The following CPLANE1 variants were observed in gnomAD, a reference collection of about 807,000 sequenced individuals.
CPLANE1 encodes the protein ciliogenesis and planar polarity effector complex subunit 1.
Under a neutral mutation model 362.5 loss-of-function variants are expected in CPLANE1, and 263 were observed. That is an observed-to-expected ratio of 0.73 (90% CI 0.66 to 0.80). CPLANE1 has a LOEUF of 0.80. Among genes scored for constraint, CPLANE1 ranks in the 30% least tolerant of loss-of-function variants. The pLI, the probability that CPLANE1 is intolerant of heterozygous loss-of-function variation, is 0.00. For synonymous variants in CPLANE1, 1,212 were observed against 1,302.6 expected, an observed-to-expected ratio of 0.93 and a Z score of 1.50; for missense variants, 3,461 against 3,793.4, an observed-to-expected ratio of 0.91 and a Z score of 2.30.
At chr5:37,077,908 G>A in the CPLANE1 span, among the ~76,000 whole-genome samples, 4 of 151,740 alleles carry the variant, frequency 2.6e-5, no homozygotes, top group Admixed American at 1.3e-4. Context: ...AAACCGCCGT[G>A]CCCAGCAATT....
chr5:37,209,061 G>T lies in CPLANE1; in HGVS notation c.2921-2636C>A, dbSNP rs1172848375. 2.6e-5 allele frequency among the ~76,000 whole-genome samples: 4 copies of T among 152,216 alleles called. No homozygotes were observed. Among genetic ancestry groups the T allele is most frequent in the African/African-American group, 9.6e-5 (4 of 41,456 alleles). ...GGATGTGAGGCGGTCCTGCCTTGCC[G>T]CCTTCTGTCCCTAGTCTCCGGGTCC... On this transcript the variant is annotated intron_variant, in intron 16 of 52. Coordinates refer to ENST00000651892, the MANE Select transcript of CPLANE1 (RefSeq NM_001384732.1). The surrounding 1 kb of genome is among the most constrained non-coding windows in gnomAD (Gnocchi z 4.6).
intron 43 of CPLANE1, among the ~76,000 whole-genome samples, chr5:37,146,814 A>T (rs1771757771): frequency 6.6e-6 from 1 of 152,180 alleles, no homozygotes; most frequent in African/African-American, 2.4e-5. Context: ...TAGAAATTTT[A>T]CATAAAATTT....
intron 25 of CPLANE1, 59 bp from the exon 26 acceptor site, chr5:37,183,758 C>A: frequency 2.5e-6 from 3 of 1,200,286 alleles, no homozygotes; most frequent in Non-Finnish European, 3.5e-6. Context: ...TAAAACTGAT[C>A]TTAGAATTGA....
rs1260497091 is a variant in CPLANE1, at chr5:37,184,946, T to C, written c.4323A>G (p.Lys1441=). The part of the protein sequence containing the change: ...VNIWEPIEEE[K]PDEAPGVDRY... ...TGTCAACACCTGGAGCCTCATCTGG[T>C]TTCTCTTCTTCAATTGGTTCCCATA... The change falls in exon 25 of 53, where the codon AAA becomes AAG. Residue 1441 remains lysine, a synonymous_variant. Transcript: ENST00000651892. 6.2e-7 allele frequency: 1 copy of C among 1,614,124 alleles called. No individual in the cohort carries two copies. The highest frequency in any genetic ancestry group is 1.7e-5 in the Admixed American group (1 of 60,018).
rs957027661 is a variant in CPLANE1, at chr5:37,244,577, G to A, written c.368C>T (p.Ser123Phe). ...ASSLRLYLYV[S>F]GNGKRIVLIT... ...GAGCACAATTCTTTTCCCATTTCCA[G>A]ATACATACAAGTACAGTCTCAAAGA... Residue 123 changes from serine (S) to phenylalanine (F), a missense_variant, in exon 5 of 53, where the codon TCT becomes TTT. Coordinates refer to ENST00000651892, the MANE Select transcript of CPLANE1 (RefSeq NM_001384732.1). The A allele has an allele frequency of 3.9e-6, 6 of 1,550,504 alleles. No individual in the cohort carries two copies. The highest frequency in any genetic ancestry group is 5.2e-6 in the Non-Finnish European group (6 of 1,146,570).
At chr5:37,169,630 T>A in intron 33 of CPLANE1, 69 bp from the exon 34 acceptor site, 1 of 1,380,092 alleles carries the variant, frequency 7.2e-7, no homozygotes, top group Non-Finnish European at 9.8e-7. Flanking sequence ...TAAATGGCAT[T>A]CAGTATGTTT....
intron 11 of CPLANE1, 24 bp downstream of exon 11, chr5:37,227,219 A>T: frequency 6.5e-7 from 1 of 1,545,334 alleles, no homozygotes; most frequent in Non-Finnish European, 8.7e-7. Context: ...TGTTCCAAGT[A>T]AATAAAATTC....
rs541657944 is a variant in CPLANE1 at position 37,171,167 on chromosome 5, G to T, written c.6172-836C>A. 2.0e-5 allele frequency among the ~76,000 whole-genome samples: 3 copies of T among 152,278 alleles called. No individual in the cohort carries two copies. The South Asian group carries it at 6.2e-4, about 32-fold the overall frequency. On this transcript the variant is annotated intron_variant, in intron 32 of 52. Coordinates refer to ENST00000651892, the MANE Select transcript of CPLANE1 (RefSeq NM_001384732.1). ...CCTATCAATAATCGCAATGTCTGAG[G>T]ATAGGAACCAGCATCTGTATTCATT... is the stretch of plus-strand genomic sequence containing the variant.
intron 21 of CPLANE1, among the ~76,000 whole-genome samples, chr5:37,192,665 C>T (rs1341097168): frequency 6.6e-6 from 1 of 151,036 alleles, no homozygotes; most frequent in Non-Finnish European, 1.5e-5. Flanking sequence ...GAGATTGAGA[C>T]CATCCTGGCT....
rs1799930562 is a variant in CPLANE1, at chr5:37,239,837, T to C, written c.710A>G (p.Gln237Arg). 1 of 1,530,544 alleles carries C rather than the reference T, an allele frequency of 6.5e-7. No homozygotes were observed. The highest frequency in any genetic ancestry group is 1.3e-5 in the South Asian group (1 of 79,424). The allele number at this position is 1,530,544 out of a possible 1,614,324, so 94.8% of individuals were successfully genotyped here. Residue 237 changes from glutamine to arginine, a missense_variant, in exon 7 of 53, where the codon CAA (glutamine) becomes CGA (arginine). Transcript: ENST00000651892. The part of the protein sequence containing the change: ...SLPYHVHWAQ[Q>R]DCHLCSLIPK... ...AATTAAACTACAGAGATGACAGTCT[T>C]GTTGAGCCCAATGAACATGGTATGG...
intron 26 of CPLANE1, among the ~76,000 whole-genome samples, chr5:37,181,868 G>A (rs1292865369): frequency 1.1e-4 from 17 of 151,716 alleles, no homozygotes; most frequent in African/African-American, 3.9e-4. Flanking sequence ...CGAGGCGGGC[G>A]GATCACAAGG....
chr5:37,101,851 TTATCTATTTCTTCC>T (rs1461947260), downstream of CPLANE1, among the ~76,000 whole-genome samples: 1 of 152,188 alleles, frequency 6.6e-6, no homozygotes, highest in East Asian at 1.9e-4. Flanking sequence ...GTCCAGGAAT[TTATCTATTTCTTCC>T]AGATTTTCTA....
chr5:37,131,752 G>A (rs301866), intron 46 of CPLANE1, among the ~76,000 whole-genome samples: 21,368 of 151,806 alleles, frequency 0.14, 1,736 homozygotes, highest in African/African-American at 0.21. Context: ...GGCTGGTCTC[G>A]AACTCCTGAC....
chr5:37,149,576 T>C (rs1198734208), intron 42 of CPLANE1, among the ~76,000 whole-genome samples: 1 of 152,220 alleles, frequency 6.6e-6, no homozygotes, highest in African/African-American at 2.4e-5. Context: ...TTTTTTTCTA[T>C]GCGTACATAC....
chr5:37,241,462 A>G (rs779349243), intron 6 of CPLANE1, among the ~76,000 whole-genome samples: 3 of 151,970 alleles, frequency 2.0e-5, no homozygotes, highest in South Asian at 2.1e-4. Context: ...CTCAAAAATA[A>G]ATAGATAGAT....
intron 43 of CPLANE1, among the ~76,000 whole-genome samples, chr5:37,143,580 T>C (rs1770472535): frequency 6.6e-6 from 1 of 152,114 alleles, no homozygotes; most frequent in Admixed American, 6.5e-5. Flanking sequence ...AAGACAGATA[T>C]GAGGAAATCA....
chr5:37,155,022 G>T (rs1276273279), intron 41 of CPLANE1, among the ~76,000 whole-genome samples: 4 of 152,206 alleles, frequency 2.6e-5, no homozygotes, highest in Non-Finnish European at 4.4e-5. Context: ...AAGTATTGAT[G>T]ATTCTACCTG....
At chr5:37,219,612 C>T (rs975781901) in intron 15 of CPLANE1, among the ~76,000 whole-genome samples, 5 of 152,066 alleles carry the variant, frequency 3.3e-5, no homozygotes, top group African/African-American at 4.8e-5. Flanking sequence ...ACTCATTTCT[C>T]GGAATTTATC....
Position 37,182,752 on chromosome 5 carries a change from AT to A in CPLANE1, c.5421+7del, listed in dbSNP as rs1370225933. 1 of 1,533,028 alleles carries A rather than the reference AT, an allele frequency of 6.5e-7. No individual in the cohort carries two copies. Among genetic ancestry groups the A allele is most frequent in the Non-Finnish European group, 9.0e-7 (1 of 1,116,006 alleles). The allele number at this position is 1,533,028 out of a possible 1,614,324, so 95.0% of individuals were successfully genotyped here. On this transcript the variant is annotated splice_region_variant and intron_variant, in intron 26 of 52. Transcript: ENST00000651892. ...CATTTGTAAGTAATAAACAATTGAT[AT>A]GCTTACCTTAATAATGGCATTTTTT...
Sources: allele counts gnomAD v4.1 joint callset (sites outside exome capture counted in the v4.1 genomes callset), GRCh38; gene constraint gnomAD v4.1.1; non-coding constraint Gnocchi (gnomAD v3.1); transcripts MANE v1.5; gene names NCBI Gene and HGNC (gene_info 2026-07-23, HGNC 2026-07-21).